Variants in PELI2 observed in about 807,000 individuals in gnomAD.
PELI2 encodes the protein E3 ubiquitin-protein ligase pellino homolog 2.
Under a neutral mutation model 42.3 loss-of-function variants are expected in PELI2, and 23 were observed. The ratio of observed to expected loss-of-function variants is 0.54; its 90% CI spans 0.39 to 0.77. The LOEUF (loss-of-function observed/expected upper bound fraction) is 0.77, where lower values mean the gene tolerates loss of function less well. PELI2 is among the 30% of genes least tolerant of loss of function. PELI2 has a pLI of 0.00. For missense variants in PELI2, 463 were observed against 553.2 expected, an observed-to-expected ratio of 0.84 and a Z score of 1.64; for synonymous variants, 245 against 212.2, an observed-to-expected ratio of 1.15 and a Z score of -1.34.
intron 1 of PELI2, among the ~76,000 whole-genome samples, chr14:56,174,657 C>T (rs575656650): frequency 1.3e-5 from 2 of 152,296 alleles, no homozygotes; most frequent in Admixed American, 1.3e-4. Context: ...CGAGCTTTCT[C>T]TCTCCTGTTG....
At chr14:56,230,367 A>T (rs974278804) in intron 2 of PELI2, among the ~76,000 whole-genome samples, 5 of 152,222 alleles carry the variant, frequency 3.3e-5, no homozygotes, top group Admixed American at 2.6e-4. Flanking sequence ...CGGGTTACCC[A>T]CAAAGGGAAG....
intron 1 of PELI2, among the ~76,000 whole-genome samples, chr14:56,173,594 G>A (rs976012294): frequency 3.3e-5 from 5 of 152,154 alleles, no homozygotes; most frequent in African/African-American, 1.2e-4. Flanking sequence ...GAGGCCACAA[G>A]TCTGAAATCA....
chr14:56,169,234 C>T (rs548081159), intron 1 of PELI2, among the ~76,000 whole-genome samples: 1 of 152,246 alleles, frequency 6.6e-6, no homozygotes, highest in African/African-American at 2.4e-5. Context: ...CCGCCAAGCC[C>T]ACGGTCTCTG....
intron 1 of PELI2, among the ~76,000 whole-genome samples, chr14:56,147,165 A>G (rs1884156171): frequency 1.3e-5 from 2 of 152,216 alleles, no homozygotes. Context: ...TCCATTGTAT[A>G]TCAATGGCCA....
intron 1 of PELI2, among the ~76,000 whole-genome samples, chr14:56,146,674 T>C (rs1884133549): frequency 6.6e-6 from 1 of 152,228 alleles, no homozygotes; most frequent in African/African-American, 2.4e-5. Flanking sequence ...TAGTACAAAC[T>C]TGTGAAGTTG....
At chr14:56,249,492 C>G (rs1440813698) in intron 2 of PELI2, among the ~76,000 whole-genome samples, 1 of 152,184 alleles carries the variant, frequency 6.6e-6, no homozygotes, top group Non-Finnish European at 1.5e-5. Context: ...CTCCATTCAA[C>G]TCTTCCAAGG....
chr14:56,213,435 G>A (rs1886782027), intron 2 of PELI2, among the ~76,000 whole-genome samples: 1 of 152,322 alleles, frequency 6.6e-6, no homozygotes, highest in African/African-American at 2.4e-5. Flanking sequence ...AAGTTAGCAG[G>A]CGAGAGGAGT....
At chr14:56,291,576 G>A (rs796873123) in intron 5 of PELI2, among the ~76,000 whole-genome samples, 38 of 152,286 alleles carry the variant, frequency 2.5e-4, no homozygotes, top group African/African-American at 7.7e-4. Flanking sequence ...GTAAACAAAG[G>A]AGGAAATGTG....
At chr14:56,245,114 G>C (rs1181471301) in intron 2 of PELI2, among the ~76,000 whole-genome samples, 1 of 152,152 alleles carries the variant, frequency 6.6e-6, no homozygotes, top group African/African-American at 2.4e-5. Context: ...AGACTTAAAG[G>C]ATAACTTAGG....
At chr14:56,247,280 T>C (rs1412325521) in intron 2 of PELI2, among the ~76,000 whole-genome samples, 1 of 152,234 alleles carries the variant, frequency 6.6e-6, no homozygotes, top group Non-Finnish European at 1.5e-5. Context: ...ATCGTGTATA[T>C]TCTTCCGATT....
In PELI2 at chr14:56,138,807, C is replaced by T. The variant is rs1280562736; in HGVS notation, c.77+20070C>T. 3.9e-5 allele frequency among the ~76,000 whole-genome samples: 6 copies of T among 152,262 alleles called. No homozygotes were observed. In the East Asian group the frequency reaches 9.6e-4, roughly 24 times the overall value. Reference sequence around the variant, plus strand: ...TAATGTCTGTCATTCATTCACTCAGCTTGTGTGAAGTCTCAATAGTGTGAT... The same window carrying T: ...TAATGTCTGTCATTCATTCACTCAGTTTGTGTGAAGTCTCAATAGTGTGAT... On this transcript the variant is annotated intron_variant, in intron 1 of 5. Coordinates refer to ENST00000267460, the MANE Select transcript of PELI2 (RefSeq NM_021255.3).
chr14:56,275,596 G>A lies in PELI2; in HGVS notation c.208-4080G>A, dbSNP rs373338091. Among the ~76,000 whole-genome samples the A allele has an allele frequency of 5.9e-5, 9 of 152,222 alleles. No individual in the cohort carries two copies. The East Asian group carries it at 1.4e-3, about 23-fold the overall frequency. The stretch of plus-strand genomic sequence containing the variant: ...CATGCGCATTCACAATAGGGTTCAC[G>A]CTCCTATGAGAACCTAATGCCGCTG... On this transcript the variant is annotated intron_variant, in intron 2 of 5. Coordinates refer to ENST00000267460, the MANE Select transcript of PELI2 (RefSeq NM_021255.3).
intron 1 of PELI2, among the ~76,000 whole-genome samples, chr14:56,161,828 G>A (rs943631088): frequency 6.6e-6 from 1 of 152,156 alleles, no homozygotes; most frequent in Non-Finnish European, 1.5e-5. Context: ...CCAAGCCAGG[G>A]AACATATTCT....
chr14:56,147,489 T>C (rs1052780639), intron 1 of PELI2, among the ~76,000 whole-genome samples: 3 of 152,210 alleles, frequency 2.0e-5, no homozygotes, highest in African/African-American at 7.2e-5. Flanking sequence ...GCTTCTTTCT[T>C]TGTCTCTTAC....
At chr14:56,284,749 C>A (rs1480463364) in intron 3 of PELI2, among the ~76,000 whole-genome samples, 1 of 152,168 alleles carries the variant, frequency 6.6e-6, no homozygotes, top group Non-Finnish European at 1.5e-5. Flanking sequence ...CATAATCTTC[C>A]AATTACTAGT....
chr14:56,211,728 A>G (rs560902662), intron 2 of PELI2, among the ~76,000 whole-genome samples: 1 of 152,272 alleles, frequency 6.6e-6, no homozygotes, highest in Non-Finnish European at 1.5e-5. Flanking sequence ...TTGTATTGTT[A>G]TTTACAGCTG....
intron 2 of PELI2, among the ~76,000 whole-genome samples, chr14:56,262,121 C>T (rs1267014417): frequency 2.0e-5 from 3 of 152,180 alleles, no homozygotes; most frequent in African/African-American, 7.2e-5. Flanking sequence ...AGAAGCAGGG[C>T]AAGTGTATTT....
intron 2 of PELI2, among the ~76,000 whole-genome samples, chr14:56,200,310 T>A (rs1025362769): frequency 6.6e-6 from 1 of 152,274 alleles, no homozygotes; most frequent in Non-Finnish European, 1.5e-5. Context: ...TTTGCATATT[T>A]TTTTTTACTT....
At chr14:56,127,455 T>C (rs1252050170) in intron 1 of PELI2, among the ~76,000 whole-genome samples, 1 of 152,226 alleles carries the variant, frequency 6.6e-6, no homozygotes, top group Non-Finnish European at 1.5e-5. Flanking sequence ...TGTACCTGTC[T>C]GTGACTGTCG....
Sources: allele counts gnomAD v4.1 joint callset (sites outside exome capture counted in the v4.1 genomes callset), GRCh38; gene constraint gnomAD v4.1.1; transcripts MANE v1.5; gene names NCBI Gene and HGNC (gene_info 2026-07-23, HGNC 2026-07-21).